Variants in NPHS2 observed in about 807,000 individuals in gnomAD.
NPHS2 encodes the protein NPHS2 stomatin family member, podocin, also known as podocin.
A neutral mutation model predicts 37.1 loss-of-function variants in NPHS2; 36 were observed. The observed-to-expected ratio is 0.97, with a 90% CI of 0.74 to 1.28. The LOEUF is 1.28. NPHS2 is among the 50% of genes most tolerant of loss of function. NPHS2 has a pLI of 0.00. For missense variants in NPHS2, 447 were observed against 488.1 expected (o/e 0.92, Z 0.79); for synonymous variants, 196 against 189.3 (o/e 1.04, Z -0.29).
At chr1:179,564,630 C>CATGG in intron 2 of NPHS2, 60 bp downstream of exon 2, 1 of 1,333,450 alleles carries the variant, frequency 7.5e-7, no homozygotes. Context: ...TGAGAATGGG[C>CATGG]ATGGTGTGGC....
chr1:179,551,529 A>C, intron 7 of NPHS2, 78 bp from the exon 8 acceptor site: 4 of 1,542,794 alleles, frequency 2.6e-6, no homozygotes, highest in Non-Finnish European at 3.6e-6. Flanking sequence ...ATGACTCAGC[A>C]GACAAGCACT....
At position 179,551,037 on chromosome 1, in the gene NPHS2, T is replaced by G; in HGVS notation, c.*136A>C. 2.0e-6 allele frequency: 2 copies of G among 1,014,364 alleles called. No homozygotes were observed. Among genetic ancestry groups the G allele is most frequent in the Non-Finnish European group, 3.0e-6 (2 of 665,960 alleles). The allele number at this position is 1,014,364 out of a possible 1,614,324, so 62.8% of individuals were successfully genotyped here. On this transcript the variant is annotated 3_prime_UTR_variant, in exon 8 of 8. Coordinates refer to ENST00000367615, the MANE Select transcript of NPHS2 (RefSeq NM_014625.4). ...TCACCGTCTTCTCATGGATGGTGCA[T>G]TGTGACTTCGTGCATTCCATGGCCA...
chr1:179,570,501 G>C (rs1674511735), intron 1 of NPHS2, among the ~76,000 whole-genome samples: 1 of 152,208 alleles, frequency 6.6e-6, no homozygotes, highest in South Asian at 2.1e-4. Flanking sequence ...GCTATTGTTT[G>C]TGGCTTAAGA....
At chr1:179,570,461 G>A (rs1302921202) in intron 1 of NPHS2, among the ~76,000 whole-genome samples, 1 of 152,248 alleles carries the variant, frequency 6.6e-6, no homozygotes, top group Non-Finnish European at 1.5e-5. Flanking sequence ...ACTGCAGCAG[G>A]AGAATGTCCT....
At chr1:179,553,788 C>T (rs1454935560) in intron 6 of NPHS2, among the ~76,000 whole-genome samples, 2 of 152,146 alleles carry the variant, frequency 1.3e-5, no homozygotes, top group Non-Finnish European at 2.9e-5. Context: ...ACTCTGTCAC[C>T]CGGGCTGGAG....
At chr1:179,571,721 C>T (rs184918249) in intron 1 of NPHS2, among the ~76,000 whole-genome samples, 54 of 152,346 alleles carry the variant, frequency 3.5e-4, no homozygotes, top group African/African-American at 1.0e-3. Context: ...TGGTGGGCTC[C>T]GCCCAGTTCA....
chr1:179,557,586 G>A (rs892067562), intron 4 of NPHS2, among the ~76,000 whole-genome samples: 3 of 152,274 alleles, frequency 2.0e-5, no homozygotes, highest in East Asian at 3.9e-4. Flanking sequence ...TGTGTTGCTC[G>A]CTAGAGTGTA....
chr1:179,552,568 A>G (rs746334440), intron 7 of NPHS2, 35 bp downstream of exon 7: 1 of 1,571,174 alleles, frequency 6.4e-7, no homozygotes, highest in South Asian at 1.1e-5. Context: ...AGGCCTTCCT[A>G]AAGGGCAGTC....
chr1:179,557,210 A>G lies in NPHS2; in HGVS notation c.555T>C (p.Phe185=), dbSNP rs1367163960. Residue 185 remains phenylalanine (F), a synonymous_variant, in exon 5 of 8, where the codon TTT becomes TTC. Coordinates refer to ENST00000367615, the MANE Select transcript of NPHS2 (RefSeq NM_014625.4). ...PFHEIVTKDM[F]IMEIDAICYY... is the part of the protein sequence containing the mutation. ...AGCAAATGGCATCTATCTCCATTAT[A>G]AACATGTCTTTGGTCACGATCTAGG... 7 of 1,613,856 alleles carry G rather than the reference A, an allele frequency of 4.3e-6. No homozygotes were observed. Among genetic ancestry groups the G allele is most frequent in the Non-Finnish European group, 1.7e-6 (2 of 1,179,924 alleles).
intron 5 of NPHS2, among the ~76,000 whole-genome samples, chr1:179,555,578 G>T (rs1026205706): frequency 6.6e-6 from 1 of 152,212 alleles, no homozygotes; most frequent in East Asian, 1.9e-4. Flanking sequence ...TAATTTGGGG[G>T]TGTGGGTGAG....
chr1:179,566,752 G>A (rs1054552097), intron 1 of NPHS2, among the ~76,000 whole-genome samples: 4 of 152,198 alleles, frequency 2.6e-5, no homozygotes, highest in Admixed American at 6.5e-5. Flanking sequence ...TAAGGTGTAA[G>A]GAAGGGATCC....
At chr1:179,559,088 G>T (rs1674042044) in intron 4 of NPHS2, among the ~76,000 whole-genome samples, 2 of 152,160 alleles carry the variant, frequency 1.3e-5, no homozygotes, top group African/African-American at 4.8e-5. Context: ...ATGGAAGCCA[G>T]CATGTCTAAA....
chr1:179,551,126 CTT>C lies in NPHS2; in HGVS notation c.*45_*46del. ...CAGAGTGTCTCCCTCAGGCATGTGA[CTT>C]TTCTATGGCAGGCCCCTTTACAGTC... On this transcript the variant is annotated 3_prime_UTR_variant, in exon 8 of 8. Transcript: ENST00000367615. 1 of 1,612,434 alleles carries C rather than the reference CTT, an allele frequency of 6.2e-7. No homozygotes were observed. Among genetic ancestry groups the C allele is most frequent in the Non-Finnish European group, 8.5e-7 (1 of 1,179,456 alleles).
chr1:179,554,637 G>T (rs1673805707), intron 5 of NPHS2, 106 bp from the exon 6 acceptor site: 1 of 1,485,588 alleles, frequency 6.7e-7, no homozygotes, highest in Non-Finnish European at 9.4e-7. Flanking sequence ...CATTCCCTTT[G>T]AAAGGACATT....
chr1:179,570,522 GC>G (rs1674512305), intron 1 of NPHS2, among the ~76,000 whole-genome samples: 1 of 152,238 alleles, frequency 6.6e-6, no homozygotes, highest in African/African-American at 2.4e-5. Context: ...ATGCCTTTAA[GC>G]GGTTTTCCTC....
intron 4 of NPHS2, 50 bp from the exon 5 acceptor site, chr1:179,557,280 C>A: frequency 1.4e-6 from 2 of 1,469,924 alleles, no homozygotes; most frequent in Non-Finnish European, 1.9e-6. Context: ...GGCTCCTTTC[C>A]TATGTGGGGT....
rs574222026 is a variant in NPHS2 at position 179,557,679 on chromosome 1, C to T, written c.535-449G>A. ...TCCCTTTTTATATTGATCATAAGGA[C>T]ATATTTTAAGGATTTAGCTATAAGG... On this transcript the variant is annotated intron_variant, in intron 4 of 7. Transcript: ENST00000367615. Among the ~76,000 whole-genome samples the T allele has an allele frequency of 2.6e-5, 4 of 152,190 alleles. No individual in the cohort carries two copies. In the South Asian group the frequency reaches 8.3e-4, roughly 32 times the overall value.
intron 7 of NPHS2, 83 bp downstream of exon 7, chr1:179,552,520 G>T: frequency 9.4e-7 from 1 of 1,058,698 alleles, no homozygotes; most frequent in Admixed American, 1.9e-5. Flanking sequence ...CTAATGAATG[G>T]ACAGTAAGGA....
intron 3 of NPHS2, among the ~76,000 whole-genome samples, chr1:179,560,543 A>G (rs888406093): frequency 6.6e-6 from 1 of 151,616 alleles, no homozygotes; most frequent in East Asian, 1.9e-4. Context: ...TTTTGTGTGG[A>G]CTCATATATT....
Sources: allele counts gnomAD v4.1 joint callset (sites outside exome capture counted in the v4.1 genomes callset), GRCh38; gene constraint gnomAD v4.1.1; transcripts MANE v1.5; gene names NCBI Gene and HGNC (gene_info 2026-07-23, HGNC 2026-07-21).